Variants in NPNT observed in about 807,000 individuals in gnomAD.
NPNT encodes the protein preosteoblast EGF-like repeat protein with MAM domain.
NPNT carries 45 observed loss-of-function variants against 68.6 expected under a neutral mutation model. The observed-to-expected ratio is 0.66, with a 90% CI of 0.52 to 0.84. The LOEUF is 0.84. Among genes scored for constraint, NPNT ranks in the 40% least tolerant of loss-of-function variants. The pLI is 0.00. For synonymous variants in NPNT, 233 were observed against 253.3 expected, an observed-to-expected ratio of 0.92 and a Z score of 0.76; for missense variants, 672 against 714.8, an observed-to-expected ratio of 0.94 and a Z score of 0.68.
At chr4:105,916,647 T>C (rs1727842345) in intron 2 of NPNT, among the ~76,000 whole-genome samples, 1 of 152,230 alleles carries the variant, frequency 6.6e-6, no homozygotes, top group Admixed American at 6.5e-5. Flanking sequence ...CAGCAGGAAG[T>C]CTTCTGTACT....
chr4:105,896,618 T>C (rs1353546762), intron 1 of NPNT, among the ~76,000 whole-genome samples: 1 of 152,200 alleles, frequency 6.6e-6, no homozygotes, highest in African/African-American at 2.4e-5. Context: ...CAGCGACCTC[T>C]GCCCCCACCC....
chr4:105,908,588 G>T (rs1286210857), intron 2 of NPNT, among the ~76,000 whole-genome samples: 1 of 151,132 alleles, frequency 6.6e-6, no homozygotes. Context: ...TTTTGAGACG[G>T]AGTCTTCCTC....
chr4:105,922,305 C>T (rs1560903989), intron 2 of NPNT, among the ~76,000 whole-genome samples: 1 of 151,782 alleles, frequency 6.6e-6, no homozygotes, highest in Admixed American at 6.6e-5. Context: ...TTTCTCATAA[C>T]TTATTTGATA....
At chr4:105,904,684 T>C (rs1726731888) in intron 2 of NPNT, among the ~76,000 whole-genome samples, 1 of 150,632 alleles carries the variant, frequency 6.6e-6, no homozygotes. Flanking sequence ...AGTTTAGCCA[T>C]AATTTTTTTT....
intron 7 of NPNT, among the ~76,000 whole-genome samples, chr4:105,941,565 T>A (rs1430547201): frequency 6.6e-6 from 1 of 152,186 alleles, no homozygotes; most frequent in Non-Finnish European, 1.5e-5. Context: ...GTGCATAAAA[T>A]CATGAGGATT....
At chr4:105,928,555 G>A (rs1157532294) in intron 3 of NPNT, among the ~76,000 whole-genome samples, 1 of 150,570 alleles carries the variant, frequency 6.6e-6, no homozygotes, top group Non-Finnish European at 1.5e-5. Flanking sequence ...GGATGTTGCG[G>A]TGAGCCAAGA....
intron 10 of NPNT, among the ~76,000 whole-genome samples, chr4:105,963,554 A>C (rs1346104960): frequency 6.6e-6 from 1 of 152,022 alleles, no homozygotes; most frequent in Non-Finnish European, 1.5e-5. Context: ...AAGAAATGGA[A>C]AATTGTGCTG....
intron 5 of NPNT, among the ~76,000 whole-genome samples, 175 bp downstream of exon 5, chr4:105,938,595 C>T (rs1021171790): frequency 3.9e-5 from 6 of 152,098 alleles, no homozygotes; most frequent in Non-Finnish European, 8.8e-5. Context: ...ATAATGGGAG[C>T]GTTGTTTTTT....
At chr4:105,949,119 A>C (rs192402519) in intron 8 of NPNT, among the ~76,000 whole-genome samples, 1 of 152,180 alleles carries the variant, frequency 6.6e-6, no homozygotes, top group Non-Finnish European at 1.5e-5. Context: ...ACACAGTTGT[A>C]TGTGTTAAAA....
At chr4:105,940,415 A>G (rs2149373682) in intron 6 of NPNT, 99 bp from the exon 7 acceptor site, 1 of 1,242,534 alleles carries the variant, frequency 8.0e-7, no homozygotes, top group East Asian at 2.4e-5. Flanking sequence ...GTAGATCATC[A>G]CATTGCCAAA....
chr4:105,906,865 T>TATATAC (rs1421612946), intron 2 of NPNT, among the ~76,000 whole-genome samples: 1 of 152,208 alleles, frequency 6.6e-6, no homozygotes, highest in Non-Finnish European at 1.5e-5. Context: ...ACCATTTTGC[T>TATATAC]ATATACATAT....
intron 2 of NPNT, among the ~76,000 whole-genome samples, chr4:105,907,817 CTGATTT>C (rs1228756838): frequency 6.6e-6 from 1 of 152,030 alleles, no homozygotes; most frequent in Non-Finnish European, 1.5e-5. Flanking sequence ...TTTAAGTTTT[CTGATTT>C]TATTACTTAA....
rs115667656 is a variant in NPNT at position 105,899,575 on chromosome 4, G to A, written c.172+1574G>A. The stretch of plus-strand genomic sequence containing the variant: ...TTTAACAGAATGTAATTGACCCCCC[G>A]TGCAAAGGGTCTAGCCAAGCAGCTC... On this transcript the variant is annotated intron_variant, in intron 2 of 11. Transcript: ENST00000379987. Among the ~76,000 whole-genome samples, 1,399 of 152,194 alleles carry A rather than the reference G, an allele frequency of 9.2e-3. 21 individuals carry two copies. Among genetic ancestry groups the A allele is most frequent in the African/African-American group, 0.031 (1,270 of 41,492 alleles).
chr4:105,924,472 C>T (rs1728532905), intron 2 of NPNT, among the ~76,000 whole-genome samples: 1 of 152,082 alleles, frequency 6.6e-6, no homozygotes, highest in African/African-American at 2.4e-5. Flanking sequence ...ATTTAATAGC[C>T]ATTGGCTAAT....
At chr4:105,946,196 A>G (rs1006697491) in intron 8 of NPNT, among the ~76,000 whole-genome samples, 1 of 152,206 alleles carries the variant, frequency 6.6e-6, no homozygotes, top group Non-Finnish European at 1.5e-5. Context: ...TTGACACTGC[A>G]GTTTTTGTCC....
intron 10 of NPNT, among the ~76,000 whole-genome samples, chr4:105,966,712 T>C (rs373720133): frequency 4.6e-5 from 7 of 151,644 alleles, no homozygotes; most frequent in East Asian, 3.9e-4. Flanking sequence ...TAAGCAGATA[T>C]AGGGCCCTTT....
chr4:105,903,395 A>G lies in NPNT; in HGVS notation c.172+5394A>G, dbSNP rs144552328. Among the ~76,000 whole-genome samples, 1,286 of 152,292 alleles carry G rather than the reference A, an allele frequency of 8.4e-3. 10 individuals carry two copies. The highest frequency in any genetic ancestry group is 0.041 in the Middle Eastern group (12 of 294). ...CATCACAGGGGTGGGCCTTCATCAC[A>G]GGGGAGATGGAAGGGCAAGGGAGAG... On this transcript the variant is annotated intron_variant, in intron 2 of 11. Coordinates refer to ENST00000379987, the MANE Select transcript of NPNT (RefSeq NM_001033047.3).
At chr4:105,935,906 A>G (rs1478858180) in intron 3 of NPNT, among the ~76,000 whole-genome samples, 1 of 152,212 alleles carries the variant, frequency 6.6e-6, no homozygotes, top group African/African-American at 2.4e-5. Flanking sequence ...TTTGAAAACA[A>G]TTTTGTCACT....
chr4:105,906,993 C>T (rs1217918074), intron 2 of NPNT, among the ~76,000 whole-genome samples: 1 of 152,208 alleles, frequency 6.6e-6, no homozygotes, highest in Admixed American at 6.5e-5. Context: ...CCAGGAACAA[C>T]AGAATCCCTG....
Sources: allele counts gnomAD v4.1 joint callset (sites outside exome capture counted in the v4.1 genomes callset), GRCh38; gene constraint gnomAD v4.1.1; transcripts MANE v1.5; gene names NCBI Gene and HGNC (gene_info 2026-07-23, HGNC 2026-07-21).